Variants in KIF17 observed in about 807,000 individuals in gnomAD.
KIF17 encodes the protein kinesin family member 17, also known as kinesin-like protein KIF17.
Under a neutral mutation model 96.8 loss-of-function variants are expected in KIF17, and 80 were observed. The observed-to-expected ratio is 0.83, with a 90% CI of 0.69 to 1.00. The LOEUF (loss-of-function observed/expected upper bound fraction) is 1.00. Among genes scored for constraint, KIF17 ranks in the 50% least tolerant of loss-of-function variants. KIF17 has a pLI of 0.00. For missense variants in KIF17, 1,280 were observed against 1,372.9 expected (o/e 0.93, Z 1.07); for synonymous variants, 567 against 587.5 (o/e 0.97, Z 0.51).
intron 11 of KIF17, among the ~76,000 whole-genome samples, chr1:20,682,218 T>C (rs1011101588): frequency 6.6e-6 from 1 of 151,836 alleles, no homozygotes; most frequent in Non-Finnish European, 1.5e-5. Flanking sequence ...ACACACACAC[T>C]GGGAGGCAAG....
intron 11 of KIF17, among the ~76,000 whole-genome samples, chr1:20,679,732 A>G (rs1214685281): frequency 6.6e-6 from 1 of 152,132 alleles, no homozygotes; most frequent in Admixed American, 6.5e-5. Flanking sequence ...CAGTCCCGCA[A>G]CCAACCTCAT....
Position 20,685,060 on chromosome 1 carries a change from G to A in KIF17, c.2020-40C>T, listed in dbSNP as rs1036243043. ...AAACCCAGGTGGAGGTGGGAAGGCC[G>A]CCCCAACCCCCGCCGACAGCTCCCA... On this transcript the variant is annotated intron_variant, in intron 9 of 14. Coordinates refer to ENST00000400463, the MANE Select transcript of KIF17 (RefSeq NM_001122819.3). The surrounding 1 kb of genome is among the most constrained non-coding windows in gnomAD (Gnocchi z 4.1). 58 of 1,508,080 alleles carry A rather than the reference G, an allele frequency of 3.8e-5. 1 individual carries two copies. Among genetic ancestry groups the A allele is most frequent in the African/African-American group, 3.7e-4 (27 of 72,180 alleles). 93.4% of individuals were successfully genotyped at this position (1,508,080 alleles called of 1,614,324 possible).
chr1:20,708,626 G>C (rs980233868), intron 4 of KIF17, among the ~76,000 whole-genome samples: 1 of 152,170 alleles, frequency 6.6e-6, no homozygotes, highest in African/African-American at 2.4e-5. Flanking sequence ...GGAGACCCGG[G>C]TTCAAATCCC....
intron 7 of KIF17, among the ~76,000 whole-genome samples, chr1:20,688,578 A>G (rs559282906): frequency 1.3e-5 from 2 of 152,038 alleles, no homozygotes; most frequent in East Asian, 1.9e-4. Flanking sequence ...CCTTGGGACC[A>G]CTCTTCGCAC....
intron 6 of KIF17, among the ~76,000 whole-genome samples, chr1:20,695,829 A>C (rs1210723373): frequency 6.6e-6 from 1 of 151,916 alleles, no homozygotes; most frequent in African/African-American, 2.4e-5. Flanking sequence ...TACTTCCAAC[A>C]TTTAAAGCAT....
At chr1:20,689,043 C>G (rs1266848109) in intron 7 of KIF17, among the ~76,000 whole-genome samples, 3 of 152,152 alleles carry the variant, frequency 2.0e-5, no homozygotes, top group African/African-American at 4.8e-5. Flanking sequence ...AAATATGGCA[C>G]CCACTCCCTA....
intron 3 of KIF17, among the ~76,000 whole-genome samples, chr1:20,712,526 CAT>C (rs1050256866): frequency 8.5e-6 from 1 of 117,214 alleles, no homozygotes; most frequent in Non-Finnish European, 1.8e-5. Context: ...GAGACCTTGT[CAT>C]ATATATATCT....
intron 11 of KIF17, among the ~76,000 whole-genome samples, chr1:20,674,319 G>A (rs937693638): frequency 5.9e-5 from 9 of 152,150 alleles, no homozygotes; most frequent in African/African-American, 2.2e-4. Flanking sequence ...GGAGTGCAGT[G>A]GCATGATCTT....
At chr1:20,705,848 G>A (rs1423080289) in intron 4 of KIF17, among the ~76,000 whole-genome samples, 7 of 146,544 alleles carry the variant, frequency 4.8e-5, no homozygotes, top group African/African-American at 5.1e-5. Context: ...TGACAGAGCC[G>A]CTCTGGGCTG....
At chr1:20,680,129 C>G (rs532758609) in intron 11 of KIF17, among the ~76,000 whole-genome samples, 30 of 152,220 alleles carry the variant, frequency 2.0e-4, no homozygotes, top group Admixed American at 1.6e-3. Flanking sequence ...AGATTACAGG[C>G]ATAAGCCACC....
Position 20,687,658 on chromosome 1 carries a change from A to G in KIF17, c.1668T>C (p.Pro556=). Residue 556 remains proline, a synonymous_variant, in exon 8 of 15, where the codon CCT becomes CCC. Transcript: ENST00000400463. The surrounding 1 kb of genome is among the most constrained non-coding windows in gnomAD (Gnocchi z 4.4). ...AGACCTCCACGTTGGAGGGCTCCTC[A>G]GGCCCAGGGAAAGCCTCGGACACAG... is the stretch of plus-strand genomic sequence containing the variant. ...ETSVSEAFPG[P]EEPSNVEVSM... 6.2e-7 allele frequency: 1 copy of G among 1,614,192 alleles called. No individual in the cohort carries two copies. The highest frequency in any genetic ancestry group is 8.5e-7 in the Non-Finnish European group (1 of 1,180,014).
At chr1:20,677,100 A>G (rs1404772122) in intron 11 of KIF17, among the ~76,000 whole-genome samples, 1 of 152,152 alleles carries the variant, frequency 6.6e-6, no homozygotes, top group African/African-American at 2.4e-5. Flanking sequence ...AGTCCCAGCT[A>G]TTCGGGAGGC....
At chr1:20,697,979 A>C (rs896189095) in intron 6 of KIF17, among the ~76,000 whole-genome samples, 1 of 150,716 alleles carries the variant, frequency 6.6e-6, no homozygotes, top group Non-Finnish European at 1.5e-5. Context: ...TGGGGGACAG[A>C]CTCCTCCCCA....
chr1:20,671,974 G>T lies in KIF17; in HGVS notation c.2686C>A (p.Pro896Thr). The change falls in exon 12 of 15, where the codon CCA becomes ACA. Residue 896 changes from proline (P) to threonine (T), a missense_variant. Transcript: ENST00000400463. ...CTGGTTTTTGTGATGACGGGATGTG[G>T]GATCTTCCAGAAGCCGTTATCTTCG... The part of the protein sequence containing the change: ...WDEDNGFWKI[P>T]HPVITKTSLP... 1.2e-6 allele frequency: 2 copies of T among 1,613,984 alleles called. No individual in the cohort carries two copies. Among genetic ancestry groups the T allele is most frequent in the Non-Finnish European group, 1.7e-6 (2 of 1,180,044 alleles).
Position 20,687,400 on chromosome 1 carries a change from C to T in KIF17, c.1926G>A (p.Lys642=), listed in dbSNP as rs1418666760. 6.2e-7 allele frequency: 1 copy of T among 1,613,300 alleles called. No homozygotes were observed. ...TGACATCAGCTACCTGCACAGGGACCTTGGGGACGTCTGCCTGGGGTGCAT... is the reference window on the plus strand; with the variant it reads ...TGACATCAGCTACCTGCACAGGGACTTTGGGGACGTCTGCCTGGGGTGCAT... ...RTDAPQADVP[K]VPVQVPAPTD... The change falls in exon 8 of 15, where the codon AAG becomes AAA. Residue 642 remains lysine (K), a synonymous_variant. Coordinates refer to ENST00000400463, the MANE Select transcript of KIF17 (RefSeq NM_001122819.3). The surrounding 1 kb of genome is among the most constrained non-coding windows in gnomAD (Gnocchi z 4.4).
intron 2 of KIF17, 125 bp from the exon 3 acceptor site, chr1:20,713,680 A>T: frequency 1.3e-6 from 1 of 752,506 alleles, no homozygotes; most frequent in Non-Finnish European, 2.3e-6. Flanking sequence ...ACATCGGGGC[A>T]AGAGGAGTCT....
At chr1:20,691,161 G>A (rs1269898966) in intron 6 of KIF17, among the ~76,000 whole-genome samples, 1 of 151,866 alleles carries the variant, frequency 6.6e-6, no homozygotes, top group Non-Finnish European at 1.5e-5. Context: ...GCCAAGCGTG[G>A]TGGCTTGCCT....
At chr1:20,682,547 A>G in intron 11 of KIF17, 106 bp downstream of exon 11, 1 of 901,928 alleles carries the variant, frequency 1.1e-6, no homozygotes, top group Non-Finnish European at 1.8e-6. Flanking sequence ...TGCTGTGTAA[A>G]GAGTAGAGGG....
At chr1:20,675,445 C>T (rs1411835475) in intron 11 of KIF17, among the ~76,000 whole-genome samples, 3 of 127,698 alleles carry the variant, frequency 2.3e-5, no homozygotes, top group African/African-American at 8.4e-5. Context: ...GAGACTCTGT[C>T]TCAAAAAAAA....
Sources: gnomAD v4.1 joint callset for allele counts (sites outside exome capture counted in the v4.1 genomes callset) on GRCh38, gnomAD v4.1.1 for gene constraint, Gnocchi (gnomAD v3.1) non-coding constraint, MANE v1.5 for transcripts, NCBI Gene and HGNC (gene_info 2026-07-23, HGNC 2026-07-21) for gene names.